The following LRBA variants were observed in gnomAD, a reference collection of about 807,000 sequenced individuals.
LRBA encodes lipopolysaccharide-responsive and beige-like anchor protein.
In LRBA, 176 loss-of-function variants were observed where a neutral mutation model predicts 330.0. The ratio of observed to expected loss-of-function variants is 0.53; its 90% CI spans 0.47 to 0.60. The LOEUF is 0.60. Ranked by LOEUF, LRBA falls within the 20% of genes least tolerant of loss-of-function variation. The probability of loss-of-function intolerance (pLI) is 0.00; values close to 1 mark genes in which losing one functional copy is unlikely to be tolerated. For synonymous variants in LRBA, 1,230 were observed against 1,193.0 expected (o/e 1.03, Z -0.64); for missense variants, 3,259 against 3,444.8 (o/e 0.95, Z 1.35).
At position 150,900,214 on chromosome 4, in the gene LRBA, G is replaced by A; in HGVS notation, c.1759C>T (p.Gln587Ter). Residue 587 changes from glutamine (Q) to a stop codon, truncating the protein, a stop_gained, in exon 14 of 57, where the codon CAA becomes TAA. Coordinates refer to ENST00000651943, the MANE Select transcript of LRBA (RefSeq NM_001364905.1). LOFTEE classifies it high-confidence loss of function. ...AIWIHTPAKVQLMLYTYLSTE... is the reference protein window; with the variant it reads ...AIWIHTPAKV ...GACAGATAAGTATAGAGCATCAGTTGAACCTACAGAATAAAAATGAAGAAC... is the reference window on the plus strand; with the variant it reads ...GACAGATAAGTATAGAGCATCAGTTAAACCTACAGAATAAAAATGAAGAAC... 3 of 1,602,110 alleles carry A rather than the reference G, an allele frequency of 1.9e-6. No individual in the cohort carries two copies. The highest frequency in any genetic ancestry group is 2.6e-6 in the Non-Finnish European group (3 of 1,173,452).
At chr4:150,430,030 G>T (rs1341592230) in intron 46 of LRBA, among the ~76,000 whole-genome samples, 1 of 152,062 alleles carries the variant, frequency 6.6e-6, no homozygotes. Context: ...AAATATCTAT[G>T]ACCTAACAAA....
chr4:150,776,980 T>C (rs1411351359), intron 34 of LRBA, among the ~76,000 whole-genome samples: 2 of 152,042 alleles, frequency 1.3e-5, no homozygotes, highest in South Asian at 4.2e-4. Context: ...GTTTTACAAA[T>C]ATGAAAAAAA....
chr4:150,555,674 C>G (rs771918172), intron 40 of LRBA, among the ~76,000 whole-genome samples: 9 of 151,416 alleles, frequency 5.9e-5, no homozygotes, highest in Non-Finnish European at 1.3e-4. Context: ...TCACTTGAAC[C>G]CAGCAGGCAG....
intron 47 of LRBA, 96 bp downstream of exon 47, chr4:150,415,342 G>C: frequency 3.8e-6 from 4 of 1,064,422 alleles, no homozygotes; most frequent in Non-Finnish European, 5.5e-6. Flanking sequence ...CTACAGCTTT[G>C]TCCAGAAGAG....
chr4:150,984,982 G>T (rs1371524004), intron 2 of LRBA, among the ~76,000 whole-genome samples: 2 of 152,142 alleles, frequency 1.3e-5, no homozygotes, highest in African/African-American at 4.8e-5. Flanking sequence ...GTCTTAAAAA[G>T]CACGGTGGCT....
intron 22 of LRBA, among the ~76,000 whole-genome samples, chr4:150,858,203 T>C (rs1751449850): frequency 6.6e-6 from 1 of 152,138 alleles, no homozygotes; most frequent in African/African-American, 2.4e-5. Context: ...AAGCTAAGAA[T>C]ACTTTTAGCC....
chr4:150,394,399 T>C (rs1226480551), intron 47 of LRBA, among the ~76,000 whole-genome samples: 1 of 152,202 alleles, frequency 6.6e-6, no homozygotes, highest in Non-Finnish European at 1.5e-5. Context: ...ATTAATTAGA[T>C]ATGTTAATTA....
intron 41 of LRBA, among the ~76,000 whole-genome samples, chr4:150,489,972 G>A (rs1453965174): frequency 6.6e-6 from 1 of 150,898 alleles, no homozygotes; most frequent in Non-Finnish European, 1.5e-5. Context: ...GAAAATGAAT[G>A]AGGATGAGCA....
intron 53 of LRBA, among the ~76,000 whole-genome samples, chr4:150,288,009 TGAG>T (rs1748352891): frequency 2.7e-5 from 4 of 148,686 alleles, no homozygotes; most frequent in Admixed American, 2.0e-4. Context: ...TTTTTTTTTC[TGAG>T]ACGGAGTCTC....
chr4:150,963,492 T>C (rs1373962293), intron 2 of LRBA, among the ~76,000 whole-genome samples: 1 of 149,624 alleles, frequency 6.7e-6, no homozygotes, highest in Non-Finnish European at 1.5e-5. Context: ...CAGTGCTCAA[T>C]GGTGCCCAGG....
chr4:150,304,336 G>A (rs1452821620), intron 52 of LRBA, among the ~76,000 whole-genome samples: 1 of 152,036 alleles, frequency 6.6e-6, no homozygotes, highest in East Asian at 1.9e-4. Flanking sequence ...GGCTTATTAT[G>A]AAGGCTGAAA....
intron 55 of LRBA, among the ~76,000 whole-genome samples, chr4:150,281,630 C>G (rs556847212): frequency 4.6e-5 from 7 of 152,162 alleles, no homozygotes; most frequent in Non-Finnish European, 8.8e-5. Flanking sequence ...TGACCCTACT[C>G]CTGCCCCCAA....
At chr4:150,671,039 T>TGA (rs1270921507) in intron 37 of LRBA, among the ~76,000 whole-genome samples, 23 of 146,892 alleles carry the variant, frequency 1.6e-4, no homozygotes, top group Middle Eastern at 3.4e-3. Flanking sequence ...TGTGTGTGTG[T>TGA]GTGAGAGAGA....
intron 37 of LRBA, among the ~76,000 whole-genome samples, chr4:150,625,297 AC>A (rs1364008562): frequency 6.6e-6 from 1 of 152,184 alleles, no homozygotes; most frequent in Non-Finnish European, 1.5e-5. Context: ...CATACAAGTG[AC>A]CAGAGTGGAG....
intron 40 of LRBA, among the ~76,000 whole-genome samples, chr4:150,558,905 C>A (rs1345468985): frequency 6.6e-6 from 1 of 152,106 alleles, no homozygotes; most frequent in Admixed American, 6.6e-5. Context: ...CGCATGGTAT[C>A]ATTAAAGGCT....
At chr4:150,599,222 T>A in intron 37 of LRBA, 91 bp from the exon 38 acceptor site, 1 of 1,418,742 alleles carries the variant, frequency 7.0e-7, no homozygotes, top group Non-Finnish European at 9.6e-7. Context: ...TTGTTTGCTC[T>A]GCCTTTTTTT....
intron 36 of LRBA, among the ~76,000 whole-genome samples, chr4:150,686,009 T>C (rs114271533): frequency 2.6e-5 from 4 of 152,316 alleles, no homozygotes; most frequent in African/African-American, 9.6e-5. Context: ...AGTATACTTA[T>C]ATGAATGACT....
At chr4:150,298,977 GAATA>G (rs1435690515) in intron 53 of LRBA, among the ~76,000 whole-genome samples, 36 of 152,002 alleles carry the variant, frequency 2.4e-4, no homozygotes, top group African/African-American at 8.7e-4. Flanking sequence ...ATATAAAAGT[GAATA>G]AATAATAACT....
At chr4:150,386,974 G>A (rs1743168116) in intron 47 of LRBA, among the ~76,000 whole-genome samples, 1 of 152,080 alleles carries the variant, frequency 6.6e-6, no homozygotes, top group Non-Finnish European at 1.5e-5. Context: ...GGTGTGAGAT[G>A]GTATCTCATT....
Sources: gnomAD v4.1 joint callset for allele counts (sites outside exome capture counted in the v4.1 genomes callset) on GRCh38, gnomAD v4.1.1 for gene constraint, MANE v1.5 for transcripts, NCBI Gene and HGNC (gene_info 2026-07-23, HGNC 2026-07-21) for gene names.